Variants in DTWD1 observed in about 807,000 individuals in gnomAD.
The protein encoded by DTWD1 is tRNA-uridine aminocarboxypropyltransferase 1.
A neutral mutation model predicts 30.2 loss-of-function variants in DTWD1; 27 were observed. That is an observed-to-expected ratio of 0.90 (90% confidence interval 0.66 to 1.23). DTWD1 has a LOEUF of 1.23. Among genes scored for constraint, DTWD1 ranks in the 50% most tolerant of loss-of-function variants. The pLI is 0.00. For missense variants in DTWD1, 342 were observed against 348.8 expected, an observed-to-expected ratio of 0.98 and a Z score of 0.15; for synonymous variants, 99 against 113.1, an observed-to-expected ratio of 0.88 and a Z score of 0.79.
intron 2 of DTWD1, chr15:49,626,839 G>T (rs771812778): frequency 4.6e-4 from 192 of 417,452 alleles, no homozygotes; most frequent in Non-Finnish European, 1.2e-4. Flanking sequence ...GAATAAGTAA[G>T]TGTGGAATTT....
rs1354413596 is a variant in DTWD1 at position 49,625,346 on chromosome 15, A to C, written c.179A>C (p.Lys60Thr). 4 of 1,613,756 alleles carry C rather than the reference A, an allele frequency of 2.5e-6. No homozygotes were observed. Among genetic ancestry groups the C allele is most frequent in the African/African-American group, 1.3e-5 (1 of 75,054 alleles). ...CAAAGTGGGAGATCAAAATGTCTCAAATGTGGTGGTTCCAGAATGTTCTAC... is the reference window on the plus strand; with the variant it reads ...CAAAGTGGGAGATCAAAATGTCTCACATGTGGTGGTTCCAGAATGTTCTAC... ...AQQSGRSKCL[K>T]CGGSRMFYCY... Residue 60 changes from lysine (K) to threonine (T), a missense_variant, in exon 2 of 5, where the codon AAA becomes ACA. Lys to Thr is a moderately conservative substitution (Grantham distance 78, BLOSUM62 -1). Coordinates refer to ENST00000403028, the MANE Select transcript of DTWD1 (RefSeq NM_001144955.2).
chr15:49,633,049 C>CTATATATCTATATATATATATA (rs2078948133), intron 3 of DTWD1, among the ~76,000 whole-genome samples: 1 of 117,316 alleles, frequency 8.5e-6, no homozygotes, highest in Non-Finnish European at 1.7e-5. Context: ...ATATCTATAT[C>CTATATATCTATATATATATATA]TATATATATA....
At chr15:49,642,806 A>G (rs965704318) in intron 4 of DTWD1, among the ~76,000 whole-genome samples, 1 of 152,116 alleles carries the variant, frequency 6.6e-6, no homozygotes, top group East Asian at 1.9e-4. Flanking sequence ...GTGCACATGT[A>G]GTCCCAGCTA....
rs1474808121 is a variant in DTWD1 at position 49,645,688 on chromosome 15, G to C, written c.*2110G>C. ...AGGGAAAAGAAAAAAAAAAGCGAGA[G>C]ACAGAGAACAATTCTATCACTCATT... On this transcript the variant is annotated 3_prime_UTR_variant, in exon 5 of 5. Coordinates refer to ENST00000403028, the MANE Select transcript of DTWD1 (RefSeq NM_001144955.2). 1 of 151,848 alleles carries C rather than the reference G, an allele frequency of 6.6e-6. No homozygotes were observed. The highest frequency in any genetic ancestry group is 2.4e-5 in the African/African-American group (1 of 41,344). 9.4% of individuals were successfully genotyped at this position (151,848 alleles called of 1,614,324 possible). A position where few individuals can be genotyped will look rare whatever the true frequency, so the allele number is the denominator to read the frequency against.
In DTWD1 at chr15:49,646,462, A is replaced by G. The variant is rs191901806; in HGVS notation, c.*2884A>G. On this transcript the variant is annotated 3_prime_UTR_variant, in exon 5 of 5. Transcript: ENST00000403028. ...GGTTTGTATGATTCCTCTGCTTGAGATCAATTAGCCATATGTTCAGAATCC... is the reference window on the plus strand; with the variant it reads ...GGTTTGTATGATTCCTCTGCTTGAGGTCAATTAGCCATATGTTCAGAATCC... 5.3e-5 allele frequency: 8 copies of G among 152,176 alleles called. No homozygotes were observed. Among genetic ancestry groups the G allele is most frequent in the African/African-American group, 1.4e-4 (6 of 41,530 alleles). 9.4% of individuals were successfully genotyped at this position (152,176 alleles called of 1,614,324 possible).
At chr15:49,625,473 T>C (rs750566536) in intron 2 of DTWD1, 42 bp downstream of exon 2, 6 of 1,552,744 alleles carry the variant, frequency 3.9e-6, no homozygotes, top group Non-Finnish European at 5.3e-6. Context: ...GAAAATAGAT[T>C]TTTTAAAAAC....
At chr15:49,629,264 C>T (rs1419472527) in intron 2 of DTWD1, among the ~76,000 whole-genome samples, 1 of 152,096 alleles carries the variant, frequency 6.6e-6, no homozygotes, top group East Asian at 1.9e-4. Flanking sequence ...TCATGGAAAA[C>T]TAACAATACC....
At chr15:49,642,865 C>T (rs773604658) in intron 4 of DTWD1, among the ~76,000 whole-genome samples, 3 of 152,122 alleles carry the variant, frequency 2.0e-5, no homozygotes, top group Non-Finnish European at 4.4e-5. Context: ...TTTGAGGTAA[C>T]TGTGAGCTAT....
chr15:49,626,664 T>TAC (rs1491322679), intron 2 of DTWD1: 3 of 371,322 alleles, frequency 8.1e-6, no homozygotes, highest in African/African-American at 4.2e-5. Flanking sequence ...TATTTTAAAA[T>TAC]TTGTTTTGAT....
In DTWD1 at chr15:49,645,593, T is replaced by A. The variant is rs2079112597; in HGVS notation, c.*2015T>A. The A allele has an allele frequency of 6.6e-6, 1 of 152,058 alleles. No individual in the cohort carries two copies. The highest frequency in any genetic ancestry group is 1.5e-5 in the Non-Finnish European group (1 of 68,000). The allele number at this position is 152,058 out of a possible 1,614,324, so 9.4% of individuals were successfully genotyped here. ...AAAGTTGGATTTCTCTAGGCTAAAT[T>A]TGGACTTCCCTGAGCCAAAATCTAT... is the stretch of plus-strand genomic sequence containing the variant. On this transcript the variant is annotated 3_prime_UTR_variant, in exon 5 of 5. Transcript: ENST00000403028.
rs992065496 is a variant in DTWD1, at chr15:49,646,724, A to G, written c.*3146A>G. 1 of 152,194 alleles carries G rather than the reference A, an allele frequency of 6.6e-6. No individual in the cohort carries two copies. Among genetic ancestry groups the G allele is most frequent in the African/African-American group, 2.4e-5 (1 of 41,440 alleles). 9.4% of individuals were successfully genotyped at this position (152,194 alleles called of 1,614,324 possible). A position where few individuals can be genotyped will look rare whatever the true frequency, so the allele number is the denominator to read the frequency against. On this transcript the variant is annotated 3_prime_UTR_variant, in exon 5 of 5. Transcript: ENST00000403028. ...GTGGCCAAGCAAGTGTACTTGCCAC[A>G]TGATTGGCAGTGTCTCTTCATGGCT... is the stretch of plus-strand genomic sequence containing the variant.
intron 4 of DTWD1, among the ~76,000 whole-genome samples, chr15:49,638,782 A>G (rs2079032219): frequency 6.6e-6 from 1 of 152,168 alleles, no homozygotes; most frequent in South Asian, 2.1e-4. Flanking sequence ...TTACAGAAAA[A>G]TAGCTCTGTG....
intron 4 of DTWD1, among the ~76,000 whole-genome samples, chr15:49,637,861 A>G (rs192180338): frequency 5.4e-4 from 83 of 152,318 alleles, no homozygotes; most frequent in African/African-American, 1.9e-3. Context: ...AGCTTAATTT[A>G]TATAGTTTAT....
At chr15:49,622,647 A>C (rs141355893) in intron 1 of DTWD1, among the ~76,000 whole-genome samples, 15 of 152,292 alleles carry the variant, frequency 9.8e-5, no homozygotes, top group African/African-American at 3.4e-4. Context: ...ATGTTTTAAA[A>C]ATTTTAAATA....
chr15:49,639,735 G>T (rs551815734), intron 4 of DTWD1, among the ~76,000 whole-genome samples: 1 of 152,210 alleles, frequency 6.6e-6, no homozygotes, highest in East Asian at 1.9e-4. Context: ...AATTATGAAT[G>T]TCATATTTTA....
At position 49,651,707 on chromosome 15, in the gene DTWD1, C is replaced by G. The variant is rs1428952772; in HGVS notation, c.*8129C>G. 1 of 152,160 alleles carries G rather than the reference C, an allele frequency of 6.6e-6. No homozygotes were observed. Among genetic ancestry groups the G allele is most frequent in the Non-Finnish European group, 1.5e-5 (1 of 68,046 alleles). 9.4% of individuals were successfully genotyped at this position (152,160 alleles called of 1,614,324 possible). On this transcript the variant is annotated 3_prime_UTR_variant, in exon 5 of 5. Coordinates refer to ENST00000403028, the MANE Select transcript of DTWD1 (RefSeq NM_001144955.2). ...AATTTCCAGATAGGAGTTTGCTTTT[C>G]CTCTTTGCAGAGCCTCAGTCAGTAT... is the stretch of plus-strand genomic sequence containing the variant.
chr15:49,631,522 G>A (rs1394176775), intron 2 of DTWD1, among the ~76,000 whole-genome samples: 2 of 152,124 alleles, frequency 1.3e-5, no homozygotes, highest in Non-Finnish European at 2.9e-5. Flanking sequence ...CAGCACTTTG[G>A]GAGGCTGAGG....
intron 3 of DTWD1, chr15:49,633,638 AT>A: frequency 3.7e-6 from 1 of 271,490 alleles, no homozygotes; most frequent in Non-Finnish European, 7.3e-6. Flanking sequence ...CCCGGCCAAG[AT>A]TTTTTGTTTC....
intron 4 of DTWD1, 33 bp downstream of exon 4, chr15:49,634,827 C>G: frequency 6.6e-7 from 1 of 1,525,310 alleles, no homozygotes; most frequent in Non-Finnish European, 8.8e-7. Flanking sequence ...GACTGCTCCT[C>G]CCTCAGACTT....
Sources: gnomAD v4.1 joint callset for allele counts (sites outside exome capture counted in the v4.1 genomes callset) on GRCh38, gnomAD v4.1.1 for gene constraint, MANE v1.5 for transcripts, NCBI Gene and HGNC (gene_info 2026-07-23, HGNC 2026-07-21) for gene names.